WDR70: variants seen among roughly 807,000 people sequenced by gnomAD.
The protein encoded by WDR70 is WD repeat-containing protein 70.
In WDR70, 53 loss-of-function variants were observed where a neutral mutation model predicts 88.6. The observed-to-expected ratio is 0.60, with a 90% CI of 0.48 to 0.75. WDR70 has a LOEUF of 0.75. WDR70 is among the 30% of genes least tolerant of loss of function. The pLI, the probability that WDR70 is intolerant of heterozygous loss-of-function variation, is 0.00. For missense variants in WDR70, 610 were observed against 823.2 expected (o/e 0.74, Z 3.17); for synonymous variants, 280 against 270.0 (o/e 1.04, Z -0.36).
At chr5:37,483,314 A>T (rs1301055737) in intron 8 of WDR70, among the ~76,000 whole-genome samples, 1 of 151,874 alleles carries the variant, frequency 6.6e-6, no homozygotes, top group Non-Finnish European at 1.5e-5. Context: ...CTTAACGAGC[A>T]TGCTGCCTTC....
intron 17 of WDR70, among the ~76,000 whole-genome samples, chr5:37,737,532 C>T (rs568133572): frequency 4.6e-5 from 7 of 152,316 alleles, no homozygotes; most frequent in Non-Finnish European, 1.0e-4. Flanking sequence ...TCCGCCACCC[C>T]CTGGCGAGTT....
intron 17 of WDR70, among the ~76,000 whole-genome samples, chr5:37,736,742 G>A (rs918632563): frequency 2.0e-5 from 3 of 151,664 alleles, no homozygotes; most frequent in East Asian, 1.9e-4. Context: ...ATTAAGAGGT[G>A]CCCTGGGTGA....
intron 17 of WDR70, among the ~76,000 whole-genome samples, chr5:37,748,815 T>C (rs781344085): frequency 2.0e-5 from 3 of 152,148 alleles, no homozygotes; most frequent in Non-Finnish European, 4.4e-5. Flanking sequence ...AACAGACACT[T>C]CTAAAAAGAA....
intron 8 of WDR70, among the ~76,000 whole-genome samples, chr5:37,489,138 T>C (rs1321180270): frequency 6.6e-6 from 1 of 152,174 alleles, no homozygotes; most frequent in Non-Finnish European, 1.5e-5. Context: ...TTTAATTAGG[T>C]GTGGCAATGC....
chr5:37,450,161 G>A (rs1738630987), intron 7 of WDR70, among the ~76,000 whole-genome samples: 1 of 152,082 alleles, frequency 6.6e-6, no homozygotes, highest in Admixed American at 6.6e-5. Context: ...TGGGCATTTG[G>A]GTTGGTTCCA....
chr5:37,677,765 G>A (rs189274320), intron 10 of WDR70, among the ~76,000 whole-genome samples: 13,391 of 152,192 alleles, frequency 0.088, 1,877 homozygotes, highest in African/African-American at 0.3. Context: ...TTGGTGCAGA[G>A]CTGAGTTCAA....
intron 3 of WDR70, among the ~76,000 whole-genome samples, chr5:37,386,528 A>G (rs1468336325): frequency 2.0e-5 from 3 of 152,180 alleles, no homozygotes; most frequent in Non-Finnish European, 2.9e-5. Context: ...GGGTTTCACC[A>G]TGTTGGCCAG....
At chr5:37,408,104 C>T (rs1023567127) in intron 5 of WDR70, among the ~76,000 whole-genome samples, 2 of 151,928 alleles carry the variant, frequency 1.3e-5, no homozygotes, top group African/African-American at 4.8e-5. Context: ...TTTTTTCTGC[C>T]ATCTTTAGTA....
intron 9 of WDR70, among the ~76,000 whole-genome samples, chr5:37,521,206 A>G (rs1018262447): frequency 6.6e-6 from 1 of 152,254 alleles, no homozygotes; most frequent in African/African-American, 2.4e-5. Flanking sequence ...TTTCCCAAAT[A>G]GATTTCCAGG....
intron 17 of WDR70, among the ~76,000 whole-genome samples, chr5:37,737,090 T>C (rs1748325514): frequency 6.6e-6 from 1 of 152,160 alleles, no homozygotes; most frequent in South Asian, 2.1e-4. Context: ...ACATCTATTA[T>C]ATGAAGTGAG....
chr5:37,470,477 G>C lies in WDR70; in HGVS notation c.687-9357G>C, dbSNP rs182932123. The stretch of plus-strand genomic sequence containing the variant: ...AAGAAGTAGAGTGTTACCAGCACCA[G>C]AAACTTGTTTACCAGATATTACCCA... On this transcript the variant is annotated intron_variant, in intron 7 of 17. Transcript: ENST00000265107. Among the ~76,000 whole-genome samples the C allele has an allele frequency of 4.4e-4, 67 of 152,238 alleles. 1 individual carries two copies. In the East Asian group the frequency reaches 0.012, roughly 28 times the overall value.
Position 37,670,131 on chromosome 5 carries a change from A to G in WDR70, c.1093-27524A>G, listed in dbSNP as rs1445597162. The stretch of plus-strand genomic sequence containing the variant: ...GCTGCGCAACTCTTGGAATATACTG[A>G]AAACGTTGAACTACATAGTTTAAGT... On this transcript the variant is annotated intron_variant, in intron 10 of 17. Transcript: ENST00000265107. Among the ~76,000 whole-genome samples the G allele has an allele frequency of 2.6e-5, 4 of 152,200 alleles. No individual in the cohort carries two copies. The East Asian group carries it at 7.7e-4, about 29-fold the overall frequency.
At chr5:37,590,586 G>T (rs989813278) in intron 9 of WDR70, among the ~76,000 whole-genome samples, 3 of 152,092 alleles carry the variant, frequency 2.0e-5, no homozygotes, top group Admixed American at 2.0e-4. Flanking sequence ...ATCCAGTTAG[G>T]CCTTAAATCC....
intron 9 of WDR70, among the ~76,000 whole-genome samples, chr5:37,571,908 G>A (rs55822509): frequency 0.58 from 87,420 of 151,852 alleles, 27,234 homozygotes; most frequent in Non-Finnish European, 0.69. Flanking sequence ...TCTGGAGTCC[G>A]AAAAACAAAA....
chr5:37,700,993 TG>T (rs1747144165), intron 11 of WDR70, 64 bp from the exon 12 acceptor site: 1 of 981,610 alleles, frequency 1.0e-6, no homozygotes, highest in Non-Finnish European at 1.6e-6. Context: ...GACTCTAAAC[TG>T]GGAGCGAGTT....
At chr5:37,421,488 T>A (rs1456282510) in intron 5 of WDR70, among the ~76,000 whole-genome samples, 1 of 152,238 alleles carries the variant, frequency 6.6e-6, no homozygotes, top group Non-Finnish European at 1.5e-5. Flanking sequence ...TTTTCAGAAT[T>A]ATTTTTCCCT....
chr5:37,401,316 AT>A (rs34313185), intron 5 of WDR70, among the ~76,000 whole-genome samples: 14,717 of 126,880 alleles, frequency 0.12, 1,660 homozygotes, highest in African/African-American at 0.33. Flanking sequence ...CCAAAGATTA[AT>A]TTTTTTTTTT....
chr5:37,490,184 C>T (rs7726960), intron 8 of WDR70, among the ~76,000 whole-genome samples: 63,268 of 151,990 alleles, frequency 0.42, 15,295 homozygotes, highest in Non-Finnish European at 0.54. Context: ...GTTGCTGGTG[C>T]CAGACCTTGT....
At chr5:37,587,436 G>A (rs10941344) in intron 9 of WDR70, among the ~76,000 whole-genome samples, 26 of 151,276 alleles carry the variant, frequency 1.7e-4, no homozygotes, top group African/African-American at 6.1e-4. Context: ...CCCGACACCC[G>A]TTTCCATTTT....
Sources: gnomAD v4.1 joint callset for allele counts (sites outside exome capture counted in the v4.1 genomes callset) on GRCh38, gnomAD v4.1.1 for gene constraint, MANE v1.5 for transcripts, NCBI Gene and HGNC (gene_info 2026-07-23, HGNC 2026-07-21) for gene names.